RHOBTB3: variants seen among roughly 807,000 people sequenced by gnomAD.
The protein encoded by RHOBTB3 is rho-related BTB domain-containing protein 3.
In RHOBTB3, 47 loss-of-function variants were observed where a neutral mutation model predicts 67.2. The observed-to-expected ratio is 0.70, with a 90% CI of 0.55 to 0.89. The LOEUF is 0.89. RHOBTB3 is among the 40% of genes least tolerant of loss of function. The pLI is 0.00. For missense variants in RHOBTB3, 631 were observed against 750.0 expected (o/e 0.84, Z 1.85); for synonymous variants, 273 against 274.2 (o/e 1.00, Z 0.04).
Position 95,755,591 on chromosome 5 carries a change from T to C in RHOBTB3, c.878T>C (p.Ile293Thr). ...LLFNVKSPTDIQDSSIIRTTQ... is the reference protein window; with the variant it reads ...LLFNVKSPTDTQDSSIIRTTQ... ...TTCAATGTGAAGAGTCCCACTGACA[T>C]TCAGGATTCCAGTATCATCCGAACT... Residue 293 changes from isoleucine (I) to threonine (T), a missense_variant, in exon 6 of 12, where the codon ATT (isoleucine) becomes ACT (threonine). By Grantham distance (89) the Ile-to-Thr change is moderately conservative. Transcript: ENST00000379982. 1 of 1,614,128 alleles carries C rather than the reference T, an allele frequency of 6.2e-7. No individual in the cohort carries two copies.
At chr5:95,787,918 G>A (rs1002651513) in intron 10 of RHOBTB3, among the ~76,000 whole-genome samples, 1 of 152,210 alleles carries the variant, frequency 6.6e-6, no homozygotes, top group Non-Finnish European at 1.5e-5. Flanking sequence ...CCTGGAAATG[G>A]ATAGTGGTGT....
chr5:95,794,155 T>C lies in RHOBTB3; in HGVS notation c.*981T>C, dbSNP rs1208776624. On this transcript the variant is annotated 3_prime_UTR_variant, in exon 12 of 12. Transcript: ENST00000379982. Reference sequence around the variant, plus strand: ...CTTGGCTGGCAAGGGAGAAATGTGTTGTGTTGTCTTAGCTTTAAAACAGTC... The same window carrying C: ...CTTGGCTGGCAAGGGAGAAATGTGTCGTGTTGTCTTAGCTTTAAAACAGTC... 14 of 409,556 alleles carry C rather than the reference T, an allele frequency of 3.4e-5. No homozygotes were observed. Among genetic ancestry groups the C allele is most frequent in the South Asian group, 1.8e-5 (1 of 56,750 alleles). 25.4% of individuals were successfully genotyped at this position (409,556 alleles called of 1,614,324 possible).
chr5:95,731,318 A>G (rs1283383645), upstream of RHOBTB3: 18 of 1,069,576 alleles, frequency 1.7e-5, no homozygotes, highest in Non-Finnish European at 1.9e-5. Flanking sequence ...TTAGAGGAGG[A>G]GGAGCAGCGG....
intron 11 of RHOBTB3, chr5:95,789,380 C>T (rs12522843): frequency 0.072 from 10,936 of 152,396 alleles, 530 homozygotes; most frequent in Middle Eastern, 0.16. Flanking sequence ...TGTTGTGAAA[C>T]TTACTGGGAG....
upstream of RHOBTB3, among the ~76,000 whole-genome samples, chr5:95,727,248 G>C (rs1286600078): frequency 7.2e-5 from 11 of 152,038 alleles, no homozygotes. Flanking sequence ...TCCTCAAGCT[G>C]ATTTGAAGAT....
chr5:95,769,334 T>C, intron 8 of RHOBTB3: 1 of 476,296 alleles, frequency 2.1e-6, no homozygotes, highest in Non-Finnish European at 4.2e-6. Context: ...AGGCTGGGGA[T>C]GGCACCACCA....
In RHOBTB3 at chr5:95,736,968, A is replaced by C; in HGVS notation, c.308A>C (p.Asn103Thr). ...ADIIVIKYNV[N>T]DKFSFHEVKD... is the part of the protein sequence containing the mutation. ...ATCATTGTGATCAAATACAACGTTA[A>C]TGACAAGTTTTCATTCCATGAAGTA... The change falls in exon 3 of 12, where the codon AAT (asparagine) becomes ACT (threonine). Residue 103 changes from asparagine to threonine, a missense_variant. Asn to Thr is a moderately conservative substitution (Grantham distance 65). Coordinates refer to ENST00000379982, the MANE Select transcript of RHOBTB3 (RefSeq NM_014899.4). 1.2e-6 allele frequency: 2 copies of C among 1,611,650 alleles called. No homozygotes were observed. Among genetic ancestry groups the C allele is most frequent in the Non-Finnish European group, 1.7e-6 (2 of 1,178,046 alleles).
chr5:95,778,216 A>T (rs895852130), intron 8 of RHOBTB3, among the ~76,000 whole-genome samples: 4 of 152,120 alleles, frequency 2.6e-5, no homozygotes, highest in Non-Finnish European at 4.4e-5. Context: ...CAAGTTCGTG[A>T]TATTAAATGG....
At chr5:95,778,028 G>A (rs951090243) in intron 8 of RHOBTB3, among the ~76,000 whole-genome samples, 13 of 152,090 alleles carry the variant, frequency 8.5e-5, no homozygotes, top group South Asian at 4.2e-4. Flanking sequence ...GCTGAGGCAC[G>A]AGAATCATTT....
chr5:95,791,163 T>G (rs995476272), intron 11 of RHOBTB3, among the ~76,000 whole-genome samples: 1 of 152,132 alleles, frequency 6.6e-6, no homozygotes. Flanking sequence ...ATTCTACAAC[T>G]TGTTTTCTGT....
chr5:95,729,798 T>G (rs1755167368), upstream of RHOBTB3, among the ~76,000 whole-genome samples: 1 of 152,242 alleles, frequency 6.6e-6, no homozygotes, highest in Non-Finnish European at 1.5e-5. Flanking sequence ...CTGATTCCAC[T>G]TAGCACAAGG....
rs1465017397 is a variant in RHOBTB3 at position 95,777,571 on chromosome 5, C to T, written c.1283-2681C>T. 2.0e-5 allele frequency among the ~76,000 whole-genome samples: 3 copies of T among 152,308 alleles called. No individual in the cohort carries two copies. The South Asian group carries it at 6.2e-4, about 32-fold the overall frequency. On this transcript the variant is annotated intron_variant, in intron 8 of 11. Transcript: ENST00000379982. The stretch of plus-strand genomic sequence containing the variant: ...TATCTTCCATTTCCTTAAGTAATTT[C>T]TTTACCTGTATCCTATTGCCAGTTA...
upstream of RHOBTB3, chr5:95,731,169 C>A (rs1379451688): frequency 4.0e-6 from 4 of 1,009,358 alleles, no homozygotes; most frequent in Middle Eastern, 4.9e-4. Context: ...CCTTTGTGTC[C>A]AGCCGCCGCC....
chr5:95,738,727 T>C (rs1234067909), intron 3 of RHOBTB3, among the ~76,000 whole-genome samples: 1 of 152,180 alleles, frequency 6.6e-6, no homozygotes, highest in Non-Finnish European at 1.5e-5. Flanking sequence ...CTTTATAAAT[T>C]ACCCAGTCTG....
Position 95,731,604 on chromosome 5 carries a change from A to G in RHOBTB3, c.-79A>G. 1 of 1,593,166 alleles carries G rather than the reference A, an allele frequency of 6.3e-7. No individual in the cohort carries two copies. Among genetic ancestry groups the G allele is most frequent in the South Asian group, 1.1e-5 (1 of 88,478 alleles). On this transcript the variant is annotated 5_prime_UTR_variant, in exon 1 of 12. Coordinates refer to ENST00000379982, the MANE Select transcript of RHOBTB3 (RefSeq NM_014899.4). Reference sequence around the variant, plus strand: ...CCGGGGATGAGCGGATTGCGGGTGAACTCGCCGCCCGGGGGCCCCGCGAAG... The same window carrying G: ...CCGGGGATGAGCGGATTGCGGGTGAGCTCGCCGCCCGGGGGCCCCGCGAAG...
intron 11 of RHOBTB3, among the ~76,000 whole-genome samples, chr5:95,790,211 A>T (rs910963618): frequency 1.3e-5 from 2 of 152,238 alleles, no homozygotes; most frequent in African/African-American, 4.8e-5. Flanking sequence ...TACTTTGTGC[A>T]AGGAAAAAAC....
intron 8 of RHOBTB3, among the ~76,000 whole-genome samples, chr5:95,775,425 C>CAT (rs1019161711): frequency 2.0e-5 from 3 of 147,688 alleles, no homozygotes; most frequent in Non-Finnish European, 3.0e-5. Context: ...TATATATACA[C>CAT]ATATATATAC....
intron 8 of RHOBTB3, chr5:95,769,898 G>C (rs1274997132): frequency 2.9e-6 from 1 of 339,002 alleles, no homozygotes; most frequent in East Asian, 8.1e-5. Context: ...CCTTCCTTTT[G>C]AATAGGCTAA....
intron 10 of RHOBTB3, 118 bp downstream of exon 10, chr5:95,784,081 G>T: frequency 2.5e-6 from 2 of 791,928 alleles, no homozygotes; most frequent in South Asian, 5.5e-5. Flanking sequence ...TTGGAAGTTT[G>T]GCTAATGAGG....
Sources: allele counts gnomAD v4.1 joint callset (sites outside exome capture counted in the v4.1 genomes callset), GRCh38; gene constraint gnomAD v4.1.1; transcripts MANE v1.5; gene names NCBI Gene and HGNC (gene_info 2026-07-23, HGNC 2026-07-21).